The following FAM168A variants were observed in gnomAD, a reference collection of about 807,000 sequenced individuals.
FAM168A encodes family with sequence similarity 168 member A, also known as protein FAM168A.
Under a neutral mutation model 28.5 loss-of-function variants are expected in FAM168A, and 3 were observed. That is an observed-to-expected ratio of 0.11 (90% confidence interval 0.05 to 0.27). The LOEUF (loss-of-function observed/expected upper bound fraction) is 0.27, where lower values mean the gene tolerates loss of function less well. Ranked by LOEUF, FAM168A falls within the 10% of genes least tolerant of loss-of-function variation. The probability of loss-of-function intolerance (pLI) is 1.00; values close to 1 mark genes in which losing one functional copy is unlikely to be tolerated. For missense variants in FAM168A, 222 were observed against 311.5 expected (o/e 0.71, Z 2.16); for synonymous variants, 122 against 124.2 (o/e 0.98, Z 0.12).
chr11:73,523,703 C>T (rs1943414030), intron 1 of FAM168A, among the ~76,000 whole-genome samples: 1 of 152,106 alleles, frequency 6.6e-6, no homozygotes, highest in Non-Finnish European at 1.5e-5. Flanking sequence ...CCCACCTCAG[C>T]CTCCCAAAGT....
At chr11:73,589,835 G>A (rs1944361315) in intron 1 of FAM168A, among the ~76,000 whole-genome samples, 1 of 152,256 alleles carries the variant, frequency 6.6e-6, no homozygotes, top group African/African-American at 2.4e-5. Context: ...GCTGAGGCAG[G>A]AGAATCACTT....
intron 1 of FAM168A, among the ~76,000 whole-genome samples, chr11:73,502,237 A>C (rs1855023643): frequency 6.6e-6 from 1 of 152,130 alleles, no homozygotes; most frequent in Admixed American, 6.5e-5. Context: ...AAAAATTAAC[A>C]AAATAGATAG....
intron 1 of FAM168A, among the ~76,000 whole-genome samples, chr11:73,597,671 C>T (rs1255066486): frequency 6.6e-6 from 1 of 151,738 alleles, no homozygotes; most frequent in Non-Finnish European, 1.5e-5. Flanking sequence ...TCTCCTGTCC[C>T]AGGTTGGGTT....
intron 2 of FAM168A, among the ~76,000 whole-genome samples, chr11:73,434,535 G>A (rs1455483908): frequency 6.6e-6 from 1 of 152,204 alleles, no homozygotes; most frequent in Non-Finnish European, 1.5e-5. Flanking sequence ...GCCCTAAGGT[G>A]ACAGCATATG....
At chr11:73,435,004 T>C (rs1020526157) in intron 2 of FAM168A, among the ~76,000 whole-genome samples, 1 of 152,224 alleles carries the variant, frequency 6.6e-6, no homozygotes, top group East Asian at 1.9e-4. Context: ...CTTCCTGCAG[T>C]TGTTAAATGC....
In FAM168A at chr11:73,402,329, G is replaced by C. The variant is rs1393413572; in HGVS notation, c.*4434C>G. ...CTGAGGAATTTGATATGGAAGCTCT[G>C]AGCCTCGCTTAGTCAGTGCCTCGCT... is the stretch of plus-strand genomic sequence containing the variant. On this transcript the variant is annotated 3_prime_UTR_variant, in exon 8 of 8. Transcript: ENST00000356467. 2 of 152,268 alleles carry C rather than the reference G, an allele frequency of 1.3e-5. No homozygotes were observed. The highest frequency in any genetic ancestry group is 2.9e-5 in the Non-Finnish European group (2 of 68,060). 9.4% of individuals were successfully genotyped at this position (152,268 alleles called of 1,614,324 possible).
At chr11:73,521,790 T>C (rs2134651708) in intron 1 of FAM168A, among the ~76,000 whole-genome samples, 1 of 152,242 alleles carries the variant, frequency 6.6e-6, no homozygotes, top group South Asian at 2.1e-4. Context: ...AGCTGTTAGT[T>C]GGCAAATGAG....
At chr11:73,594,300 A>G (rs1944417874) in intron 1 of FAM168A, among the ~76,000 whole-genome samples, 1 of 148,470 alleles carries the variant, frequency 6.7e-6, no homozygotes, top group African/African-American at 2.5e-5. Context: ...GGGTCTCCCT[A>G]TGTTGCCCTC....
At chr11:73,542,101 A>G (rs1943664745) in intron 1 of FAM168A, among the ~76,000 whole-genome samples, 1 of 152,174 alleles carries the variant, frequency 6.6e-6, no homozygotes, top group Non-Finnish European at 1.5e-5. Context: ...AGAGTTTGGC[A>G]GTCCGATCTC....
At chr11:73,424,214 C>T (rs1043006024) in intron 3 of FAM168A, among the ~76,000 whole-genome samples, 9 of 152,120 alleles carry the variant, frequency 5.9e-5, no homozygotes, top group South Asian at 2.1e-4. Flanking sequence ...CTGACAGATG[C>T]GCGACACACA....
intron 1 of FAM168A, among the ~76,000 whole-genome samples, chr11:73,484,556 A>ATATATCTATATATCTATATATCTATC (rs1565265731): frequency 7.0e-6 from 1 of 143,852 alleles, no homozygotes; most frequent in African/African-American, 2.5e-5. Context: ...ATCTATATCT[A>ATATATCTATATATCTATATATCTATC]TATATCTATA....
intron 1 of FAM168A, among the ~76,000 whole-genome samples, chr11:73,478,568 AC>A (rs1311147116): frequency 6.6e-6 from 1 of 152,232 alleles, no homozygotes; most frequent in East Asian, 1.9e-4. Flanking sequence ...TCACAAAAAA[AC>A]ACTGTACACT....
At chr11:73,458,769 C>T (rs752057548) in intron 2 of FAM168A, among the ~76,000 whole-genome samples, 6 of 152,094 alleles carry the variant, frequency 3.9e-5, no homozygotes, top group Non-Finnish European at 8.8e-5. Flanking sequence ...TGCTACCACG[C>T]CCGGCTAATT....
intron 1 of FAM168A, among the ~76,000 whole-genome samples, chr11:73,593,446 T>G (rs1382162746): frequency 6.6e-6 from 1 of 152,214 alleles, no homozygotes; most frequent in Non-Finnish European, 1.5e-5. Flanking sequence ...CTTAAACAAG[T>G]CATTTAACCT....
intron 1 of FAM168A, among the ~76,000 whole-genome samples, chr11:73,536,178 T>C (rs906706184): frequency 1.3e-5 from 2 of 152,154 alleles, no homozygotes; most frequent in African/African-American, 2.4e-5. Flanking sequence ...CTTTTTAGTA[T>C]TCCACTTTTA....
chr11:73,442,219 G>T (rs558432434), intron 2 of FAM168A, among the ~76,000 whole-genome samples: 2 of 150,124 alleles, frequency 1.3e-5, no homozygotes, highest in South Asian at 4.2e-4. Context: ...TCCACCTCCC[G>T]GATTCACGCC....
At position 73,404,695 on chromosome 11, in the gene FAM168A, T is replaced by C. The variant is rs1866471623; in HGVS notation, c.*2068A>G. On this transcript the variant is annotated 3_prime_UTR_variant, in exon 8 of 8. Coordinates refer to ENST00000356467, the MANE Select transcript of FAM168A (RefSeq NM_015159.3). ...CCAGGAAGGTGGGCCCCCAAACTCC[T>C]GGCTCTAGGCCAAGGAGGCTGATGG... 1 of 152,242 alleles carries C rather than the reference T, an allele frequency of 6.6e-6. No homozygotes were observed. The highest frequency in any genetic ancestry group is 2.1e-4 in the South Asian group (1 of 4,832). The allele number at this position is 152,242 out of a possible 1,614,324, so 9.4% of individuals were successfully genotyped here.
intron 1 of FAM168A, among the ~76,000 whole-genome samples, chr11:73,495,036 G>C (rs116513441): frequency 8.3e-4 from 125 of 151,094 alleles, no homozygotes; most frequent in African/African-American, 3.0e-3. Context: ...GAAGCTAAAG[G>C]CTCAGAAAAT....
chr11:73,597,267 C>T (rs542459164), intron 1 of FAM168A, among the ~76,000 whole-genome samples: 68 of 152,172 alleles, frequency 4.5e-4, no homozygotes, highest in Middle Eastern at 3.4e-3. Context: ...TCTGCTCTAT[C>T]CTAACCCATG....
Sources: gnomAD v4.1 joint callset for allele counts (sites outside exome capture counted in the v4.1 genomes callset) on GRCh38, gnomAD v4.1.1 for gene constraint, MANE v1.5 for transcripts, NCBI Gene and HGNC (gene_info 2026-07-23, HGNC 2026-07-21) for gene names.